BCKDHB: variants seen among roughly 807,000 people sequenced by gnomAD.
BCKDHB encodes the protein branched chain keto acid dehydrogenase E1 subunit beta, also known as 2-oxoisovalerate dehydrogenase subunit beta, mitochondrial.
Under a neutral mutation model 48.5 loss-of-function variants are expected in BCKDHB, and 41 were observed. That is an observed-to-expected ratio of 0.85 (90% CI 0.66 to 1.10). BCKDHB has a LOEUF of 1.10. Ranked by LOEUF, BCKDHB falls within the 50% of genes least tolerant of loss-of-function variation. The pLI is 0.00. For synonymous variants in BCKDHB, 201 were observed against 174.8 expected, an observed-to-expected ratio of 1.15 and a Z score of -1.18; for missense variants, 496 against 494.2, an observed-to-expected ratio of 1.00 and a Z score of -0.03.
intron 6 of BCKDHB, among the ~76,000 whole-genome samples, chr6:80,195,486 G>T (rs1000605779): frequency 3.9e-5 from 6 of 152,126 alleles, no homozygotes; most frequent in African/African-American, 1.4e-4. Flanking sequence ...GAAAATGACA[G>T]TTGTAATATA....
Position 80,171,363 on chromosome 6 carries a change from G to T in BCKDHB, c.715G>T (p.Glu239Ter). 6.2e-7 allele frequency: 1 copy of T among 1,605,076 alleles called. No individual in the cohort carries two copies. Residue 239 changes from glutamate (E) to a stop codon, truncating the protein, a stop_gained, in exon 6 of 10, where the codon GAA (glutamate) becomes TAA (stop). Transcript: ENST00000320393. LOFTEE classifies it high-confidence loss of function. ...IEDKNPCIFF[E>*]PKILYRAAAE... ...GGATAAAAATCCTTGTATATTTTTT[G>T]AACCTAAAATACTTTACAGGGCAGC...
chr6:80,345,919 G>A lies in BCKDHB; in HGVS notation c.*2115G>A, dbSNP rs1259987257. On this transcript the variant is annotated 3_prime_UTR_variant, in exon 10 of 10. Transcript: ENST00000320393. Reference sequence around the variant, plus strand: ...TCCAATATGCTAAAAGTTAAATATGGTATTTAAGAAAATAGTCATGTATGC... The same window carrying A: ...TCCAATATGCTAAAAGTTAAATATGATATTTAAGAAAATAGTCATGTATGC... The A allele has an allele frequency of 1.3e-5, 2 of 152,076 alleles. No individual in the cohort carries two copies. Among genetic ancestry groups the A allele is most frequent in the Non-Finnish European group, 2.9e-5 (2 of 68,018 alleles). 9.4% of individuals were successfully genotyped at this position (152,076 alleles called of 1,614,324 possible). A position where few individuals can be genotyped will look rare whatever the true frequency, so the allele number is the denominator to read the frequency against.
At chr6:80,413,697 C>A in the BCKDHB span, among the ~76,000 whole-genome samples, 1 of 152,180 alleles carries the variant, frequency 6.6e-6, no homozygotes, top group African/African-American at 2.4e-5. Context: ...TCCAGTCTAC[C>A]ATTGATGGGC....
chr6:80,234,371 T>C (rs1776058473), intron 8 of BCKDHB, among the ~76,000 whole-genome samples: 1 of 152,226 alleles, frequency 6.6e-6, no homozygotes, highest in Admixed American at 6.5e-5. Context: ...TCTTGGCTAT[T>C]ATCACAGATA....
chr6:80,362,013 T>G, the BCKDHB span, among the ~76,000 whole-genome samples: 1 of 152,130 alleles, frequency 6.6e-6, no homozygotes, highest in Non-Finnish European at 1.5e-5. Context: ...ATTATTTAGA[T>G]ATACCATCTG....
chr6:80,108,481 C>T (rs1020170892), intron 1 of BCKDHB, among the ~76,000 whole-genome samples: 2 of 148,616 alleles, frequency 1.3e-5, no homozygotes, highest in South Asian at 2.1e-4. Flanking sequence ...TGATATATAT[C>T]ATGATATATA....
At chr6:80,233,021 T>C (rs61537572) in intron 8 of BCKDHB, among the ~76,000 whole-genome samples, 2,974 of 152,256 alleles carry the variant, frequency 0.02, 89 homozygotes, top group African/African-American at 0.068. Context: ...TGCTGTCTTT[T>C]GTTTTTAAAG....
intron 6 of BCKDHB, among the ~76,000 whole-genome samples, chr6:80,187,822 A>T (rs375925699): frequency 2.0e-5 from 3 of 152,184 alleles, no homozygotes; most frequent in South Asian, 4.1e-4. Context: ...AAAAGTCAGA[A>T]ATTAAGAGAT....
At chr6:80,350,830 TTTAC>T (rs1260704923), downstream of BCKDHB, among the ~76,000 whole-genome samples, 1 of 152,140 alleles carries the variant, frequency 6.6e-6, no homozygotes, top group Admixed American at 6.5e-5. Context: ...GTTGTTGTTG[TTTAC>T]TTATTTATTT....
At chr6:80,351,824 C>CTTT in the BCKDHB span, among the ~76,000 whole-genome samples, 1 of 135,088 alleles carries the variant, frequency 7.4e-6, no homozygotes, top group African/African-American at 2.7e-5. Flanking sequence ...TTCTTTCTTT[C>CTTT]TTTTTTTTTT....
chr6:80,249,961 A>T (rs1024608997), intron 8 of BCKDHB, among the ~76,000 whole-genome samples: 1 of 152,098 alleles, frequency 6.6e-6, no homozygotes, highest in African/African-American at 2.4e-5. Flanking sequence ...TATTTATTCT[A>T]TTATAGAATG....
downstream of BCKDHB, among the ~76,000 whole-genome samples, chr6:80,349,712 ACAT>A (rs1475132356): frequency 6.6e-6 from 1 of 152,218 alleles, no homozygotes; most frequent in African/African-American, 2.4e-5. Flanking sequence ...CAAAAGGAAT[ACAT>A]CATAGTGAAG....
chr6:80,244,175 T>C (rs1459681459), intron 8 of BCKDHB, among the ~76,000 whole-genome samples: 1 of 152,136 alleles, frequency 6.6e-6, no homozygotes, highest in African/African-American at 2.4e-5. Flanking sequence ...TGATGACAGA[T>C]GAAAGTGAAG....
At chr6:80,409,861 T>C in the BCKDHB span, among the ~76,000 whole-genome samples, 1 of 151,774 alleles carries the variant, frequency 6.6e-6, no homozygotes, top group Non-Finnish European at 1.5e-5. Flanking sequence ...CTCTGATGGT[T>C]CTTGATTCTT....
chr6:80,211,486 C>T (rs1438635371), intron 8 of BCKDHB, among the ~76,000 whole-genome samples: 1 of 152,172 alleles, frequency 6.6e-6, no homozygotes, highest in African/African-American at 2.4e-5. Flanking sequence ...CGCTTCTGAC[C>T]TTTCCTTGCC....
At position 80,278,897 on chromosome 6, in the gene BCKDHB, C is replaced by T. The variant is rs74402357; in HGVS notation, c.1038+5676C>T. Among the ~76,000 whole-genome samples, 547 of 152,250 alleles carry T rather than the reference C, an allele frequency of 3.6e-3. 4 individuals carry two copies. Among genetic ancestry groups the T allele is most frequent in the Non-Finnish European group, 5.5e-3 (373 of 68,032 alleles). On this transcript the variant is annotated intron_variant, in intron 9 of 9. Transcript: ENST00000320393. ...TTGAAACCTTCAAATTTGAAACTTT[C>T]AAGGTTTGACCTGTTGAGCTTTAGA...
chr6:80,175,887 A>G (rs528256909), intron 6 of BCKDHB, among the ~76,000 whole-genome samples: 59 of 152,336 alleles, frequency 3.9e-4, no homozygotes, highest in African/African-American at 1.4e-3. Context: ...GTTTGATGCT[A>G]TAACCTGAAG....
chr6:80,397,046 C>T, the BCKDHB span, among the ~76,000 whole-genome samples: 18 of 152,286 alleles, frequency 1.2e-4, no homozygotes, highest in South Asian at 6.2e-4. Flanking sequence ...CTGCACCCCC[C>T]GCTTACCTGT....
intron 6 of BCKDHB, among the ~76,000 whole-genome samples, chr6:80,177,225 CAAAA>C (rs575991853): frequency 3.0e-3 from 131 of 43,088 alleles, no homozygotes; most frequent in African/African-American, 0.012. Flanking sequence ...GACCTTGTCT[CAAAA>C]AAAAAAAAAA....
Sources: gnomAD v4.1 joint callset for allele counts (sites outside exome capture counted in the v4.1 genomes callset) on GRCh38, gnomAD v4.1.1 for gene constraint, MANE v1.5 for transcripts, NCBI Gene and HGNC (gene_info 2026-07-23, HGNC 2026-07-21) for gene names.